PAX7: variants seen among roughly 807,000 people sequenced by gnomAD.
PAX7 encodes paired box 7, also known as paired box protein Pax-7.
A neutral mutation model predicts 50.7 loss-of-function variants in PAX7; 18 were observed. The ratio of observed to expected loss-of-function variants is 0.36; its 90% confidence interval spans 0.25 to 0.53. PAX7 has a LOEUF of 0.53. Ranked by LOEUF, PAX7 falls within the 20% of genes least tolerant of loss-of-function variation. PAX7 has a pLI of 0.93. For missense variants in PAX7, 644 were observed against 702.9 expected, an observed-to-expected ratio of 0.92 and a Z score of 0.95; for synonymous variants, 310 against 290.4, an observed-to-expected ratio of 1.07 and a Z score of -0.69.
intron 4 of PAX7, among the ~76,000 whole-genome samples, chr1:18,638,699 G>A (rs568206996): frequency 6.6e-6 from 1 of 152,338 alleles, no homozygotes; most frequent in South Asian, 2.1e-4. Flanking sequence ...TGTGCAGGGA[G>A]TGTGTAGATG....
chr1:18,706,774 C>T (rs992008305), intron 7 of PAX7, among the ~76,000 whole-genome samples: 1 of 152,168 alleles, frequency 6.6e-6, no homozygotes, highest in South Asian at 2.1e-4. Flanking sequence ...TGAGCCACTG[C>T]GTCTGGCCGG....
chr1:18,691,685 C>T, intron 4 of PAX7, 69 bp from the exon 5 acceptor site: 5 of 1,437,090 alleles, frequency 3.5e-6, no homozygotes, highest in South Asian at 1.2e-5. Flanking sequence ...TTGTGCTCTC[C>T]TCCCAGACCC....
chr1:18,645,477 G>T (rs1446394767), intron 4 of PAX7, among the ~76,000 whole-genome samples: 1 of 152,208 alleles, frequency 6.6e-6, no homozygotes, highest in Non-Finnish European at 1.5e-5. Context: ...AGACCCTACA[G>T]AACCTCACCC....
chr1:18,717,018 G>C (rs1235923897), intron 7 of PAX7, among the ~76,000 whole-genome samples: 2 of 149,682 alleles, frequency 1.3e-5, no homozygotes, highest in African/African-American at 4.9e-5. Flanking sequence ...GGATCCGCGC[G>C]GCCGCCCCTC....
chr1:18,718,383 C>T (rs624761), intron 7 of PAX7, among the ~76,000 whole-genome samples: 122,568 of 152,086 alleles, frequency 0.81, 49,389 homozygotes, highest in South Asian at 0.83. Flanking sequence ...CTGAGCCTGT[C>T]AAAAATCTCA....
Position 18,707,744 on chromosome 1 carries a change from A to G in PAX7, c.1155+4448A>G, listed in dbSNP as rs577029831. ...CTGGCCTAGAGCCTGAATCTTAGTT[A>G]CTTGTTCTGTCTTCCTGCCTCTCAG... On this transcript the variant is annotated intron_variant, in intron 7 of 8. Coordinates refer to ENST00000420770, the MANE Select transcript of PAX7 (RefSeq NM_001135254.2). 9.2e-5 allele frequency among the ~76,000 whole-genome samples: 14 copies of G among 152,072 alleles called. No individual in the cohort carries two copies. In the South Asian group the frequency reaches 2.9e-3, roughly 32 times the overall value.
chr1:18,702,338 C>CA (rs903719763), intron 6 of PAX7, among the ~76,000 whole-genome samples: 18 of 148,896 alleles, frequency 1.2e-4, no homozygotes, highest in East Asian at 5.9e-4. Flanking sequence ...GACTCCATCT[C>CA]AAAAAAAAAA....
rs778247160 is a variant in PAX7 at position 18,636,390 on chromosome 1, C to T, written c.586+19C>T. The T allele has an allele frequency of 1.2e-6, 2 of 1,611,068 alleles. No homozygotes were observed. The highest frequency in any genetic ancestry group is 3.3e-5 in the Admixed American group (2 of 59,792). On this transcript the variant is annotated intron_variant, in intron 4 of 8. Coordinates refer to ENST00000420770, the MANE Select transcript of PAX7 (RefSeq NM_001135254.2). The surrounding 1 kb of genome is among the most constrained non-coding windows in gnomAD (Gnocchi z 5.1). Reference sequence around the variant, plus strand: ...GACAAAGGTAGGGAACTTCCCTGGGCTGCGAGGCCCCAGCCCGGGTTTTCC... The same window carrying T: ...GACAAAGGTAGGGAACTTCCCTGGGTTGCGAGGCCCCAGCCCGGGTTTTCC...
rs563754799 is a variant in PAX7 at position 18,668,615 on chromosome 1, G to T, written c.587-23139G>T. Reference sequence around the variant, plus strand: ...GCTACTCAGGAGGCTAAGGTGGGAGGATGGCATGAGCCTGGGAGGTCGGGG... The same window carrying T: ...GCTACTCAGGAGGCTAAGGTGGGAGTATGGCATGAGCCTGGGAGGTCGGGG... On this transcript the variant is annotated intron_variant, in intron 4 of 8. Coordinates refer to ENST00000420770, the MANE Select transcript of PAX7 (RefSeq NM_001135254.2). 4.4e-3 allele frequency among the ~76,000 whole-genome samples: 671 copies of T among 152,254 alleles called. 2 individuals are homozygous for T. Among genetic ancestry groups the T allele is most frequent in the Middle Eastern group, 0.02 (6 of 294 alleles).
intron 4 of PAX7, among the ~76,000 whole-genome samples, chr1:18,653,733 T>C (rs1167741070): frequency 2.0e-5 from 3 of 151,846 alleles, no homozygotes; most frequent in Non-Finnish European, 4.4e-5. Context: ...AACCAAGACT[T>C]AGAGAGGCCA....
chr1:18,631,766 G>C (rs1192706341), intron 1 of PAX7, 78 bp downstream of exon 1: 2 of 1,241,178 alleles, frequency 1.6e-6, no homozygotes, highest in Non-Finnish European at 2.3e-6. Flanking sequence ...CGGTCTCCAG[G>C]GGACGGTGGC....
At chr1:18,741,553 G>A (rs531887365) in intron 8 of PAX7, among the ~76,000 whole-genome samples, 9 of 152,234 alleles carry the variant, frequency 5.9e-5, no homozygotes, top group South Asian at 2.1e-4. Context: ...TTCTATGCAC[G>A]TAGCAAAACA....
chr1:18,718,475 G>C (rs2089454647), intron 7 of PAX7, among the ~76,000 whole-genome samples: 1 of 152,158 alleles, frequency 6.6e-6, no homozygotes, highest in South Asian at 2.1e-4. Context: ...AAAAGGTACA[G>C]TGCAAGGCAG....
At chr1:18,681,218 T>C (rs868607955) in intron 4 of PAX7, among the ~76,000 whole-genome samples, 6 of 135,954 alleles carry the variant, frequency 4.4e-5, no homozygotes, top group African/African-American at 1.4e-4. Flanking sequence ...CCTCATAGAG[T>C]GGGCCTGCCC....
At chr1:18,714,027 A>G (rs1389882133) in intron 7 of PAX7, among the ~76,000 whole-genome samples, 1 of 152,106 alleles carries the variant, frequency 6.6e-6, no homozygotes, top group Non-Finnish European at 1.5e-5. Flanking sequence ...CCTGGCCAGC[A>G]TGGTGAAACC....
chr1:18,647,086 A>T lies in PAX7; in HGVS notation c.586+10715A>T, dbSNP rs184271536. Reference sequence around the variant, plus strand: ...GAAGGGGCGGGGGACGGAACAAAACAGAACGCACAAAACCCACAACAAAAC... The same window carrying T: ...GAAGGGGCGGGGGACGGAACAAAACTGAACGCACAAAACCCACAACAAAAC... On this transcript the variant is annotated intron_variant, in intron 4 of 8. Transcript: ENST00000420770. 8.0e-3 allele frequency among the ~76,000 whole-genome samples: 1,213 copies of T among 151,538 alleles called. 12 individuals are homozygous for T. The highest frequency in any genetic ancestry group is 0.026 in the African/African-American group (1,054 of 41,294).
chr1:18,696,388 G>A (rs2089150836), intron 5 of PAX7, among the ~76,000 whole-genome samples: 1 of 151,888 alleles, frequency 6.6e-6, no homozygotes, highest in Non-Finnish European at 1.5e-5. Context: ...TTTTTTATGT[G>A]CCAGGCATGA....
chr1:18,686,049 G>A (rs1486354812), intron 4 of PAX7, among the ~76,000 whole-genome samples: 2 of 152,194 alleles, frequency 1.3e-5, no homozygotes, highest in Non-Finnish European at 2.9e-5. Flanking sequence ...TCTGTCCTAA[G>A]GCTCTGCTGC....
chr1:18,710,013 A>G (rs1019517678), intron 7 of PAX7, among the ~76,000 whole-genome samples: 19 of 152,358 alleles, frequency 1.2e-4, no homozygotes, highest in East Asian at 1.9e-4. Context: ...TCTTAACAGC[A>G]CATGCCCAGT....
Sources: gnomAD v4.1 joint callset for allele counts (sites outside exome capture counted in the v4.1 genomes callset) on GRCh38, gnomAD v4.1.1 for gene constraint, Gnocchi (gnomAD v3.1) non-coding constraint, MANE v1.5 for transcripts, NCBI Gene and HGNC (gene_info 2026-07-23, HGNC 2026-07-21) for gene names.